ANKS1A: variants seen among roughly 807,000 people sequenced by gnomAD.
ANKS1A encodes the protein ankyrin repeat and SAM domain-containing protein 1A.
In ANKS1A, 55 loss-of-function variants were observed where a neutral mutation model predicts 120.3. The ratio of observed to expected loss-of-function variants is 0.46; its 90% CI spans 0.37 to 0.57. The LOEUF is 0.57. ANKS1A is among the 20% of genes least tolerant of loss of function. The pLI, the probability that ANKS1A is intolerant of heterozygous loss-of-function variation, is 0.00. For missense variants in ANKS1A, 1,123 were observed against 1,480.3 expected, an observed-to-expected ratio of 0.76 and a Z score of 3.96; for synonymous variants, 590 against 604.7, an observed-to-expected ratio of 0.98 and a Z score of 0.36.
downstream of ANKS1A, among the ~76,000 whole-genome samples, chr6:35,092,568 G>A (rs945176699): frequency 1.3e-5 from 2 of 152,088 alleles, no homozygotes; most frequent in South Asian, 2.1e-4. Context: ...ATTCCAGAGG[G>A]GTTCTTCATC....
In ANKS1A at chr6:35,038,202, A is replaced by T. The variant is rs975358022; in HGVS notation, c.2011-15897A>T. Reference sequence around the variant, plus strand: ...TTTCCATTTTCTCTAGGCTAAGAGAACTGTCAGAAGCCCATCAGTCTGGGA... The same window carrying T: ...TTTCCATTTTCTCTAGGCTAAGAGATCTGTCAGAAGCCCATCAGTCTGGGA... On this transcript the variant is annotated intron_variant, in intron 11 of 23. Coordinates refer to ENST00000360359, the MANE Select transcript of ANKS1A (RefSeq NM_015245.3). The T allele has an allele frequency of 4.2e-5, 19 of 456,486 alleles. 1 individual carries two copies. The Admixed American group carries it at 4.5e-4, about 11-fold the overall frequency. The allele number at this position is 456,486 out of a possible 1,614,324, so 28.3% of individuals were successfully genotyped here.
intron 8 of ANKS1A, among the ~76,000 whole-genome samples, chr6:34,987,282 C>G (rs1772263032): frequency 6.6e-6 from 1 of 152,214 alleles, no homozygotes; most frequent in Non-Finnish European, 1.5e-5. Context: ...AGGTATTTCT[C>G]TTTCCTTCCA....
intron 11 of ANKS1A, chr6:35,039,559 G>C (rs1391919324): frequency 2.2e-6 from 1 of 456,450 alleles, no homozygotes. Flanking sequence ...TAACATTTCT[G>C]TTCCTCCCAG....
In ANKS1A at chr6:35,084,329, G is replaced by C. The variant is rs1355547884; in HGVS notation, c.3132+71G>C. ...CCTGAGGCGTCCAGCCCCATTGCAG[G>C]GCACAGATGCGGCGCTGTCCTGGCC... On this transcript the variant is annotated intron_variant, in intron 21 of 23. Transcript: ENST00000360359. The surrounding 1 kb of genome is among the most constrained non-coding windows in gnomAD (Gnocchi z 4.8). The C allele has an allele frequency of 6.3e-7, 1 of 1,579,316 alleles. No individual in the cohort carries two copies. The highest frequency in any genetic ancestry group is 8.6e-7 in the Non-Finnish European group (1 of 1,164,240).
intron 10 of ANKS1A, among the ~76,000 whole-genome samples, chr6:35,014,996 T>C (rs1376953482): frequency 3.9e-5 from 6 of 152,226 alleles, no homozygotes; most frequent in Admixed American, 6.5e-5. Context: ...CTGCCAGTTG[T>C]TATATGTAAT....
chr6:34,929,895 G>C (rs1359736908), intron 1 of ANKS1A, among the ~76,000 whole-genome samples: 1 of 140,326 alleles, frequency 7.1e-6, no homozygotes, highest in African/African-American at 2.7e-5. Flanking sequence ...GTTTTGCTTT[G>C]TTGCTTCCTA....
chr6:35,094,903 G>A (rs746807692), downstream of ANKS1A, among the ~76,000 whole-genome samples: 2 of 152,138 alleles, frequency 1.3e-5, no homozygotes, highest in African/African-American at 2.4e-5. Context: ...CTCTTTGGAA[G>A]GCGAAGTGGG....
chr6:34,935,281 C>G (rs1213369693), intron 1 of ANKS1A, among the ~76,000 whole-genome samples: 3 of 152,092 alleles, frequency 2.0e-5, no homozygotes, highest in Non-Finnish European at 4.4e-5. Flanking sequence ...GAGACGGGGT[C>G]TCGCCGTGTT....
chr6:34,979,045 G>A (rs1330014390), intron 3 of ANKS1A, among the ~76,000 whole-genome samples: 7 of 151,610 alleles, frequency 4.6e-5, no homozygotes, highest in African/African-American at 1.7e-4. Context: ...ACAGGTGCCC[G>A]CCACCACGCC....
intron 3 of ANKS1A, among the ~76,000 whole-genome samples, chr6:34,974,366 CCCTTCCCCTTCCATTT>C (rs1771440720): frequency 2.9e-5 from 2 of 68,832 alleles, no homozygotes; most frequent in African/African-American, 6.0e-5. Context: ...CCTTCCATTT[CCCTTCCCCTTCCATTT>C]CCCTTCCCCT....
chr6:34,979,086 G>A (rs781654716), intron 3 of ANKS1A, among the ~76,000 whole-genome samples: 4 of 151,842 alleles, frequency 2.6e-5, no homozygotes, highest in African/African-American at 7.3e-5. Flanking sequence ...TAGTGGAGAC[G>A]GGGTTTCACT....
At chr6:34,921,049 A>G (rs563731626) in intron 1 of ANKS1A, among the ~76,000 whole-genome samples, 95 of 152,394 alleles carry the variant, frequency 6.2e-4, no homozygotes, top group Middle Eastern at 3.4e-3. Context: ...GCAGGCAGAT[A>G]AGGATTATGG....
At chr6:34,971,485 G>A (rs931932591) in intron 3 of ANKS1A, among the ~76,000 whole-genome samples, 12 of 152,150 alleles carry the variant, frequency 7.9e-5, no homozygotes, top group African/African-American at 2.7e-4. Flanking sequence ...TATATGATAA[G>A]CCATTCTCCC....
chr6:34,971,859 T>C (rs1771201430), intron 3 of ANKS1A, among the ~76,000 whole-genome samples: 1 of 152,210 alleles, frequency 6.6e-6, no homozygotes, highest in South Asian at 2.1e-4. Flanking sequence ...TTTTGGGCTG[T>C]ATTTTCTGGG....
chr6:35,080,483 G>A (rs1777613424), intron 16 of ANKS1A, among the ~76,000 whole-genome samples: 1 of 152,230 alleles, frequency 6.6e-6, no homozygotes, highest in Non-Finnish European at 1.5e-5. Flanking sequence ...GCCCTCGGGT[G>A]CACTGGGCCT....
chr6:35,014,919 T>C (rs1230790780), intron 10 of ANKS1A, among the ~76,000 whole-genome samples: 1 of 152,148 alleles, frequency 6.6e-6, no homozygotes, highest in Non-Finnish European at 1.5e-5. Flanking sequence ...CTGAACCACA[T>C]TAAATGGTCA....
chr6:34,934,216 C>T (rs781371772), intron 1 of ANKS1A, among the ~76,000 whole-genome samples: 25 of 152,162 alleles, frequency 1.6e-4, no homozygotes, highest in Admixed American at 6.5e-4. Context: ...GGCCCAGTCT[C>T]GGCTCACTGC....
chr6:35,088,120 C>T (rs980243727), intron 23 of ANKS1A, among the ~76,000 whole-genome samples: 6 of 152,238 alleles, frequency 3.9e-5, no homozygotes, highest in Non-Finnish European at 5.9e-5. Flanking sequence ...AGATAGACAG[C>T]GCCGTCCAGC....
chr6:35,055,476 T>C (rs1190663168), intron 12 of ANKS1A, among the ~76,000 whole-genome samples: 1 of 152,156 alleles, frequency 6.6e-6, no homozygotes, highest in African/African-American at 2.4e-5. Context: ...ATTACAGGCA[T>C]GTAACACCAC....
Sources: allele counts gnomAD v4.1 joint callset (sites outside exome capture counted in the v4.1 genomes callset), GRCh38; gene constraint gnomAD v4.1.1; non-coding constraint Gnocchi (gnomAD v3.1); transcripts MANE v1.5; gene names NCBI Gene and HGNC (gene_info 2026-07-23, HGNC 2026-07-21).